The following UBR4 variants were observed in gnomAD, a reference collection of about 807,000 sequenced individuals.
The protein encoded by UBR4 is E3 ubiquitin-protein ligase UBR4.
Under a neutral mutation model 575.6 loss-of-function variants are expected in UBR4, and 124 were observed. The ratio of observed to expected loss-of-function variants is 0.22; its 90% CI spans 0.19 to 0.25. UBR4 has a LOEUF of 0.25. UBR4 is among the 10% of genes least tolerant of loss of function. The probability of loss-of-function intolerance (pLI) is 1.00; values close to 1 mark genes in which losing one functional copy is unlikely to be tolerated. For missense variants in UBR4, 4,818 were observed against 6,478.8 expected (o/e 0.74, Z 8.80); for synonymous variants, 2,455 against 2,473.7 (o/e 0.99, Z 0.22).
intron 14 of UBR4, 65 bp from the exon 15 acceptor site, chr1:19,185,351 T>G: frequency 6.9e-7 from 1 of 1,444,332 alleles, no homozygotes. Flanking sequence ...GTGCATCTGC[T>G]TCCTAAAAGT....
intron 97 of UBR4, among the ~76,000 whole-genome samples, chr1:19,090,833 G>T (rs573530393): frequency 6.6e-6 from 1 of 152,164 alleles, no homozygotes; most frequent in Non-Finnish European, 1.5e-5. Flanking sequence ...AATGGCTCAC[G>T]TCTGTAATCC....
chr1:19,084,664 G>A lies in UBR4; in HGVS notation c.14848C>T (p.Arg4950Trp), dbSNP rs1394644301. The A allele has an allele frequency of 6.2e-7, 1 of 1,613,662 alleles. No individual in the cohort carries two copies. Among genetic ancestry groups the A allele is most frequent in the Non-Finnish European group, 8.5e-7 (1 of 1,179,774 alleles). The change falls in exon 102 of 106, where the codon CGG becomes TGG. Residue 4950 changes from arginine (R) to tryptophan (W), a missense_variant. Arg to Trp is a moderately radical substitution (Grantham distance 101, BLOSUM62 -3). Transcript: ENST00000375254. ...ATGTTGAGCTGATACGTGGGCTCCC[G>A]CTGGCCTGTACATTCCTGGAGGTAA... ...NTYLQECTGQ[R>W]EPTYQLNIHD... is the part of the protein sequence containing the mutation.
rs897395537 is a variant in UBR4, at chr1:19,084,143, C to G, written c.15008+361G>C. ...CACAGCTCCGACCTGTGGCCTCCCC[C>G]CATTCAAGAGAACAGTCTGGAAAGT... On this transcript the variant is annotated intron_variant, in intron 102 of 105. Coordinates refer to ENST00000375254, the MANE Select transcript of UBR4 (RefSeq NM_020765.3). 6.6e-5 allele frequency among the ~76,000 whole-genome samples: 10 copies of G among 152,346 alleles called. No individual in the cohort carries two copies. In the East Asian group the frequency reaches 1.7e-3, roughly 26 times the overall value.
chr1:19,200,180 C>A (rs377247362), intron 2 of UBR4, among the ~76,000 whole-genome samples: 1 of 151,608 alleles, frequency 6.6e-6, no homozygotes, highest in Non-Finnish European at 1.5e-5. Flanking sequence ...CAGGAGTGTG[C>A]AATCTTTTGG....
intron 43 of UBR4, 23 bp downstream of exon 43, chr1:19,155,418 G>A (rs1353043080): frequency 1.3e-6 from 2 of 1,598,540 alleles, no homozygotes; most frequent in Non-Finnish European, 1.7e-6. Flanking sequence ...GGAATAGAAG[G>A]AAATAGCAAC....
At position 19,101,508 on chromosome 1, in the gene UBR4, C is replaced by G. The variant is rs747997264; in HGVS notation, c.13023+12G>C. On this transcript the variant is annotated intron_variant, in intron 88 of 105. Transcript: ENST00000375254. The stretch of plus-strand genomic sequence containing the variant: ...GACACTCGAGAGCCATGGGAAGCAC[C>G]GCACTGCTTACAGGATAAATGATGC... 2 of 1,605,472 alleles carry G rather than the reference C, an allele frequency of 1.2e-6. No individual in the cohort carries two copies. The highest frequency in any genetic ancestry group is 4.5e-5 in the East Asian group (2 of 44,646).
intron 57 of UBR4, 103 bp downstream of exon 57, chr1:19,141,244 C>T (rs1446214527): frequency 6.6e-7 from 1 of 1,511,072 alleles, no homozygotes; most frequent in Non-Finnish European, 9.0e-7. Flanking sequence ...AACCTCTCCC[C>T]ATATCTGGGG....
intron 27 of UBR4, among the ~76,000 whole-genome samples, chr1:19,169,075 A>T (rs2089053074): frequency 6.6e-6 from 1 of 152,208 alleles, no homozygotes; most frequent in Non-Finnish European, 1.5e-5. Context: ...TTCCTGACAT[A>T]CAACCTACAA....
intron 105 of UBR4, among the ~76,000 whole-genome samples, chr1:19,076,073 G>A (rs920931820): frequency 2.6e-5 from 4 of 152,152 alleles, no homozygotes; most frequent in Non-Finnish European, 5.9e-5. Context: ...CCCAGGCACG[G>A]GCCAAGTCAC....
In UBR4 at chr1:19,192,555, ACAGACAC is replaced by A. The variant is rs763770276; in HGVS notation, c.1144-22_1144-16del. Reference sequence around the variant, plus strand: ...TAGATTTCGAGCTGTACAATATCAAACAGACACAAAAATCTGAACAAGCTGACAGATT... The same window carrying A: ...TAGATTTCGAGCTGTACAATATCAAAAAAAATCTGAACAAGCTGACAGATT... On this transcript the variant is annotated splice_polypyrimidine_tract_variant and intron_variant, in intron 9 of 105. Coordinates refer to ENST00000375254, the MANE Select transcript of UBR4 (RefSeq NM_020765.3). 5.7e-5 allele frequency: 92 copies of A among 1,613,910 alleles called. No individual in the cohort carries two copies. The highest frequency in any genetic ancestry group is 7.0e-5 in the Non-Finnish European group (83 of 1,179,986).
chr1:19,189,171 C>T (rs2091834856), intron 11 of UBR4, among the ~76,000 whole-genome samples: 1 of 151,804 alleles, frequency 6.6e-6, no homozygotes, highest in Non-Finnish European at 1.5e-5. Flanking sequence ...AACATGAAGA[C>T]TAATGATGCC....
Position 19,168,187 on chromosome 1 carries a change from G to T in UBR4, c.3742-3C>A, listed in dbSNP as rs750296088. ...GTGTCATTGGCAAAGGCATTGCGCT[G>T]AAAGGAAGCAAAGCAGATGTAAATG... On this transcript the variant is annotated splice_polypyrimidine_tract_variant and splice_region_variant and intron_variant, in intron 27 of 105. Coordinates refer to ENST00000375254, the MANE Select transcript of UBR4 (RefSeq NM_020765.3). 3.2e-6 allele frequency: 5 copies of T among 1,568,240 alleles called. No homozygotes were observed. The South Asian group carries it at 5.8e-5, about 18-fold the overall frequency.
At chr1:19,101,282 T>C (rs1224537418) in intron 88 of UBR4, among the ~76,000 whole-genome samples, 3 of 152,208 alleles carry the variant, frequency 2.0e-5, no homozygotes, top group African/African-American at 4.8e-5. Context: ...TAAAAAAACA[T>C]GATTCTTTAC....
Position 19,130,269 on chromosome 1 carries a change from G to C in UBR4, c.8907-1195C>G, listed in dbSNP as rs1005840068. Among the ~76,000 whole-genome samples, 8 of 152,158 alleles carry C rather than the reference G, an allele frequency of 5.3e-5. No individual in the cohort carries two copies. In the South Asian group the frequency reaches 1.7e-3, roughly 32 times the overall value. On this transcript the variant is annotated intron_variant, in intron 60 of 105. Transcript: ENST00000375254. The stretch of plus-strand genomic sequence containing the variant: ...AATACAAGTCTGGATGAAAGTACAG[G>C]GTCTAGGGTTGGGTGTGGTAGCTCA...
At chr1:19,094,198 A>G in intron 94 of UBR4, 59 bp from the exon 95 acceptor site, 1 of 1,431,360 alleles carries the variant, frequency 7.0e-7, no homozygotes, top group Non-Finnish European at 9.6e-7. Context: ...GGCTGCAGCC[A>G]ACATCTGAGC....
chr1:19,131,265 A>C (rs903918454), intron 60 of UBR4, among the ~76,000 whole-genome samples: 1 of 150,712 alleles, frequency 6.6e-6, no homozygotes, highest in Non-Finnish European at 1.5e-5. Flanking sequence ...AAAAAAAAAA[A>C]AAAATAAACA....
Position 19,086,185 on chromosome 1 carries a change from GT to G in UBR4, c.14772del (p.Pro4925LeufsTer65). 1 of 1,614,088 alleles carries G rather than the reference GT, an allele frequency of 6.2e-7. No homozygotes were observed. On this transcript the variant is annotated frameshift_variant, in exon 101 of 106. Coordinates refer to ENST00000375254, the MANE Select transcript of UBR4 (RefSeq NM_020765.3). LOFTEE classifies it high-confidence loss of function. Reference sequence around the variant, plus strand: ...GCAAAAGCTGATTCAGGGACATGAGGTCCCCAGACCGGAAGGAGCCCGTTGC... The same window carrying G: ...GCAAAAGCTGATTCAGGGACATGAGGCCCCAGACCGGAAGGAGCCCGTTGC... ...TKCNGLLPVW[G>X]PHVPESAFAT...
rs1557668939 is a variant in UBR4 at position 19,121,297 on chromosome 1, C to T, written c.10033G>A (p.Ala3345Thr). 6.2e-7 allele frequency: 1 copy of T among 1,614,176 alleles called. No individual in the cohort carries two copies. ...GCCACAGGGGCTGAGGAGGAAGAAG[C>T]ACTGGAGGATCCCGAAGAGGCTGCC... The part of the protein sequence containing the change: ...ALAASSGSSS[A>T]SSSSAPVAAS... Residue 3345 changes from alanine to threonine, a missense_variant, in exon 68 of 106, where the codon GCT (alanine) becomes ACT (threonine). Physicochemically the swap from Ala to Thr is moderately conservative, Grantham distance 58. Transcript: ENST00000375254.
Position 19,150,707 on chromosome 1 carries a change from C to T in UBR4, c.7300G>A (p.Asp2434Asn). 1 of 1,614,076 alleles carries T rather than the reference C, an allele frequency of 6.2e-7. No individual in the cohort carries two copies. The highest frequency in any genetic ancestry group is 8.5e-7 in the Non-Finnish European group (1 of 1,180,006). Residue 2434 changes from aspartate to asparagine, a missense_variant, in exon 49 of 106, where the codon GAT becomes AAT. Asp to Asn is a conservative substitution (Grantham distance 23, BLOSUM62 1). Coordinates refer to ENST00000375254, the MANE Select transcript of UBR4 (RefSeq NM_020765.3). Reference sequence around the variant, plus strand: ...GAAGGGAATTCTTCTGGGGGCTCATCAGGCCAGCCAAACTGCTCCTTAGTC... The same window carrying T: ...GAAGGGAATTCTTCTGGGGGCTCATTAGGCCAGCCAAACTGCTCCTTAGTC... ...GKTKEQFGWP[D>N]EPPEEFPSAS...
Sources: allele counts gnomAD v4.1 joint callset (sites outside exome capture counted in the v4.1 genomes callset), GRCh38; gene constraint gnomAD v4.1.1; transcripts MANE v1.5; gene names NCBI Gene and HGNC (gene_info 2026-07-23, HGNC 2026-07-21).